HECW1: variants seen among roughly 807,000 people sequenced by gnomAD.
HECW1 encodes the protein HECT, C2 and WW domain containing E3 ubiquitin protein ligase 1.
Under a neutral mutation model 182.3 loss-of-function variants are expected in HECW1, and 61 were observed. The observed-to-expected ratio is 0.33, with a 90% CI of 0.27 to 0.41. The LOEUF is 0.41. HECW1 is among the 10% of genes least tolerant of loss of function. HECW1 has a pLI of 1.00. For missense variants in HECW1, 1,739 were observed against 2,108.9 expected (o/e 0.82, Z 3.44); for synonymous variants, 859 against 832.6 (o/e 1.03, Z -0.55).
intron 5 of HECW1, among the ~76,000 whole-genome samples, chr7:43,338,280 AC>A (rs1379719316): frequency 6.6e-6 from 1 of 152,086 alleles, no homozygotes; most frequent in African/African-American, 2.4e-5. Context: ...AGGATAGGGG[AC>A]TGCAGCGTCA....
chr7:43,330,695 C>T (rs544122258), intron 5 of HECW1, among the ~76,000 whole-genome samples: 17 of 152,168 alleles, frequency 1.1e-4, no homozygotes, highest in Admixed American at 9.8e-4. Flanking sequence ...CTAAATAGTT[C>T]GAGGAGTTGG....
chr7:43,397,687 C>T (rs922590204), intron 7 of HECW1, among the ~76,000 whole-genome samples: 6 of 152,020 alleles, frequency 3.9e-5, no homozygotes, highest in Non-Finnish European at 8.8e-5. Flanking sequence ...TACATTATTG[C>T]AAGGGTGGGG....
intron 3 of HECW1, among the ~76,000 whole-genome samples, chr7:43,265,819 G>T (rs186396440): frequency 1.5e-4 from 23 of 152,304 alleles, no homozygotes; most frequent in Non-Finnish European, 2.6e-4. Context: ...CAAATTTGAA[G>T]GTTCCCAAAA....
rs552462224 is a variant in HECW1, at chr7:43,480,038, T to A, written c.3234+294T>A. Among the ~76,000 whole-genome samples the A allele has an allele frequency of 2.0e-5, 3 of 152,296 alleles. No homozygotes were observed. The East Asian group carries it at 5.8e-4, about 29-fold the overall frequency. On this transcript the variant is annotated intron_variant, in intron 17 of 29. Transcript: ENST00000395891. ...CACTGTCAGGAGATCCCTACACTTATGGCTGGAGCTGTGCCTCCTGAGGCC... is the reference window on the plus strand; with the variant it reads ...CACTGTCAGGAGATCCCTACACTTAAGGCTGGAGCTGTGCCTCCTGAGGCC...
At chr7:43,412,105 G>A (rs969023) in intron 8 of HECW1, among the ~76,000 whole-genome samples, 124,218 of 152,082 alleles carry the variant, frequency 0.82, 51,415 homozygotes, top group East Asian at 0.99. Flanking sequence ...TTAGGTACAC[G>A]GCTTTGCGTT....
chr7:43,537,187 ACGGGGC>A (rs1280050904), intron 24 of HECW1, among the ~76,000 whole-genome samples: 6 of 152,194 alleles, frequency 3.9e-5, no homozygotes, highest in Non-Finnish European at 7.3e-5. Context: ...AGGCTCTCGA[ACGGGGC>A]CCTGGGGCCC....
In HECW1 at chr7:43,274,526, C is replaced by A. The variant is rs1232506876; in HGVS notation, c.27+30594C>A. On this transcript the variant is annotated intron_variant, in intron 3 of 29. Transcript: ENST00000395891. ...ATCATGAAGGTGGAGGAGATCGCAG[C>A]CAACAAGTGCCGCCGGGCCACGCTT... 5.1e-6 allele frequency: 3 copies of A among 583,982 alleles called. No individual in the cohort carries two copies. The African/African-American group carries it at 5.6e-5, about 11-fold the overall frequency. 36.2% of individuals were successfully genotyped at this position (583,982 alleles called of 1,614,324 possible). A position where few individuals can be genotyped will look rare whatever the true frequency, so the allele number is the denominator to read the frequency against.
intron 3 of HECW1, among the ~76,000 whole-genome samples, chr7:43,260,860 G>T (rs915664848): frequency 6.6e-6 from 1 of 152,166 alleles, no homozygotes; most frequent in African/African-American, 2.4e-5. Context: ...AAAGGAGCAA[G>T]AATTATTTAT....
At chr7:43,135,135 A>G (rs910179451) in intron 2 of HECW1, among the ~76,000 whole-genome samples, 4 of 151,130 alleles carry the variant, frequency 2.6e-5, no homozygotes, top group African/African-American at 9.7e-5. Flanking sequence ...CTCTTTTTTC[A>G]CTTACTAACA....
At chr7:43,426,550 G>A (rs773404787) in intron 8 of HECW1, among the ~76,000 whole-genome samples, 10 of 152,108 alleles carry the variant, frequency 6.6e-5, no homozygotes, top group Non-Finnish European at 1.3e-4. Context: ...TGGGATTTCT[G>A]TAATTATCTA....
intron 2 of HECW1, among the ~76,000 whole-genome samples, chr7:43,224,106 CT>C (rs1308454280): frequency 6.6e-6 from 1 of 152,180 alleles, no homozygotes; most frequent in Non-Finnish European, 1.5e-5. Flanking sequence ...AGCTCTGTGA[CT>C]GTGGAAAAAA....
rs545544967 is a variant in HECW1, at chr7:43,435,835, A to G, written c.802-2168A>G. On this transcript the variant is annotated intron_variant, in intron 8 of 29. Transcript: ENST00000395891. ...AGATACTCACATTAGCATGCCCAAC[A>G]TATTTAATCTCTGTAAATAGAAATC... Among the ~76,000 whole-genome samples, 29 of 152,298 alleles carry G rather than the reference A, an allele frequency of 1.9e-4. 1 individual carries two copies. The South Asian group carries it at 5.6e-3, about 29-fold the overall frequency.
chr7:43,161,303 T>A (rs1447953696), intron 2 of HECW1, among the ~76,000 whole-genome samples: 2 of 152,220 alleles, frequency 1.3e-5, no homozygotes, highest in Non-Finnish European at 2.9e-5. Flanking sequence ...TTAATGGTAT[T>A]CCTATTGGTA....
At position 43,466,517 on chromosome 7, in the gene HECW1, G is replaced by A. The variant is rs370783862; in HGVS notation, c.2862G>A (p.Ala954=). ...QKITLLLQSP[A]VKFITNPEFF... is the part of the protein sequence containing the mutation. ...TCACCTTGCTGCTGCAGTCCCCAGC[G>A]GTCAAGTTCATCACCAACCCCGAGT... The change falls in exon 15 of 30, where the codon GCG becomes GCA. Residue 954 remains alanine, a synonymous_variant. Coordinates refer to ENST00000395891, the MANE Select transcript of HECW1 (RefSeq NM_015052.5). 1.1e-5 allele frequency: 17 copies of A among 1,612,980 alleles called. No individual in the cohort carries two copies. The highest frequency in any genetic ancestry group is 6.7e-5 in the East Asian group (3 of 44,854).
intron 19 of HECW1, among the ~76,000 whole-genome samples, chr7:43,497,271 G>A (rs1165768743): frequency 1.3e-5 from 2 of 152,148 alleles, no homozygotes; most frequent in Non-Finnish European, 1.5e-5. Context: ...CTTAGATGTA[G>A]GTGAAAAATG....
chr7:43,364,044 G>T (rs1816304068), intron 6 of HECW1, among the ~76,000 whole-genome samples: 1 of 152,158 alleles, frequency 6.6e-6, no homozygotes, highest in Admixed American at 6.5e-5. Context: ...CAACTTCTAG[G>T]TTGAGGATTG....
In HECW1 at chr7:43,179,990, T is replaced by A. The variant is rs140782974; in HGVS notation, c.-31-63885T>A. Among the ~76,000 whole-genome samples the A allele has an allele frequency of 4.8e-3, 738 of 152,294 alleles. 2 individuals are homozygous for A. The highest frequency in any genetic ancestry group is 0.01 in the Middle Eastern group (3 of 294). On this transcript the variant is annotated intron_variant, in intron 2 of 29. Transcript: ENST00000395891. ...CTGTGGAGGGTAAAATAATCAGACATCTCCAGCAACCTTAGATCTGACACC... is the reference window on the plus strand; with the variant it reads ...CTGTGGAGGGTAAAATAATCAGACAACTCCAGCAACCTTAGATCTGACACC...
chr7:43,262,975 G>C (rs1801343150), intron 3 of HECW1, among the ~76,000 whole-genome samples: 1 of 152,150 alleles, frequency 6.6e-6, no homozygotes, highest in Non-Finnish European at 1.5e-5. Context: ...AAAACAGAAG[G>C]CTACACATTT....
chr7:43,273,337 G>C (rs201094367), intron 3 of HECW1, among the ~76,000 whole-genome samples: 1 of 151,872 alleles, frequency 6.6e-6, no homozygotes, highest in South Asian at 2.1e-4. Flanking sequence ...AAAAAATAAA[G>C]ATAAATAAAT....
Sources: allele counts gnomAD v4.1 joint callset (sites outside exome capture counted in the v4.1 genomes callset), GRCh38; gene constraint gnomAD v4.1.1; transcripts MANE v1.5; gene names NCBI Gene and HGNC (gene_info 2026-07-23, HGNC 2026-07-21).